The following CORIN variants were observed in gnomAD, a reference collection of about 807,000 sequenced individuals.
CORIN encodes the protein corin, serine peptidase, also known as atrial natriuretic peptide-converting enzyme.
In CORIN, 117 loss-of-function variants were observed where a neutral mutation model predicts 125.3. That is an observed-to-expected ratio of 0.93 (90% CI 0.80 to 1.09). The LOEUF is 1.09. Ranked by LOEUF, CORIN falls within the 50% of genes least tolerant of loss-of-function variation. The probability of loss-of-function intolerance (pLI) is 0.00; values close to 1 mark genes in which losing one functional copy is unlikely to be tolerated. For missense variants in CORIN, 1,253 were observed against 1,306.7 expected (o/e 0.96, Z 0.63); for synonymous variants, 450 against 466.4 (o/e 0.96, Z 0.45).
intron 9 of CORIN, among the ~76,000 whole-genome samples, chr4:47,675,585 C>T (rs529887920): frequency 6.6e-6 from 1 of 152,140 alleles, no homozygotes; most frequent in African/African-American, 2.4e-5. Context: ...TGCCATGTGA[C>T]AATCTATGTG....
intron 14 of CORIN, among the ~76,000 whole-genome samples, chr4:47,644,445 T>C (rs2109619242): frequency 6.6e-6 from 1 of 152,332 alleles, no homozygotes; most frequent in South Asian, 2.1e-4. Context: ...TAATAAAAGA[T>C]AAATGTCTTC....
chr4:47,709,618 T>A (rs1354790483), intron 5 of CORIN, among the ~76,000 whole-genome samples: 1 of 152,160 alleles, frequency 6.6e-6, no homozygotes, highest in East Asian at 1.9e-4. Context: ...TACTAAAATA[T>A]AAATATGTTT....
At position 47,818,935 on chromosome 4, in the gene CORIN, A is replaced by G. The variant is rs564529114; in HGVS notation, c.64-11888T>C. Among the ~76,000 whole-genome samples the G allele has an allele frequency of 1.7e-4, 26 of 152,078 alleles. 1 individual carries two copies. Among genetic ancestry groups the G allele is most frequent in the African/African-American group, 6.0e-4 (25 of 41,498 alleles). On this transcript the variant is annotated intron_variant, in intron 1 of 21. Coordinates refer to ENST00000273857, the MANE Select transcript of CORIN (RefSeq NM_006587.4). ...TGCCAAGCAGCTTTTGAAAATCTGG[A>G]TATATTGAACAGGGTAAGATCTGGA...
intron 5 of CORIN, among the ~76,000 whole-genome samples, chr4:47,713,842 T>G (rs1459441143): frequency 1.3e-5 from 2 of 151,910 alleles, no homozygotes; most frequent in Non-Finnish European, 2.9e-5. Flanking sequence ...CAGGGAATCT[T>G]TTTTTTTAAT....
At chr4:47,715,246 C>T (rs966852465) in intron 5 of CORIN, among the ~76,000 whole-genome samples, 3 of 152,166 alleles carry the variant, frequency 2.0e-5, no homozygotes, top group Non-Finnish European at 2.9e-5. Flanking sequence ...TCTTATCTAT[C>T]CAAGTAGTAC....
Position 47,595,656 on chromosome 4 carries a change from C to A in CORIN, c.*65G>T. On this transcript the variant is annotated 3_prime_UTR_variant, in exon 22 of 22. Transcript: ENST00000273857. Reference sequence around the variant, plus strand: ...TCTGTACAGCTCTCTGCAGGCAGCTCTTCACAGTCAAGAAGGCCATTTTCT... The same window carrying A: ...TCTGTACAGCTCTCTGCAGGCAGCTATTCACAGTCAAGAAGGCCATTTTCT... The A allele has an allele frequency of 7.5e-7, 1 of 1,341,910 alleles. No individual in the cohort carries two copies. The highest frequency in any genetic ancestry group is 1.5e-5 in the South Asian group (1 of 68,412). 83.1% of individuals were successfully genotyped at this position (1,341,910 alleles called of 1,614,324 possible).
At chr4:47,760,738 T>C (rs1370178570) in intron 4 of CORIN, among the ~76,000 whole-genome samples, 2 of 152,252 alleles carry the variant, frequency 1.3e-5, no homozygotes, top group Non-Finnish European at 2.9e-5. Context: ...AGCAAAGTCC[T>C]AGATGGCATC....
intron 20 of CORIN, among the ~76,000 whole-genome samples, chr4:47,600,888 T>C (rs1353148218): frequency 6.6e-6 from 1 of 152,180 alleles, no homozygotes; most frequent in Non-Finnish European, 1.5e-5. Context: ...CAGAGAGATA[T>C]CGAAAAGCAC....
At chr4:47,763,167 C>T (rs1313962214) in intron 4 of CORIN, among the ~76,000 whole-genome samples, 4 of 152,160 alleles carry the variant, frequency 2.6e-5, no homozygotes, top group South Asian at 2.1e-4. Context: ...CCTCTGATAG[C>T]ATCAATCTAA....
In CORIN at chr4:47,603,355, G is replaced by A. The variant is rs140758770; in HGVS notation, c.2812+42C>T. On this transcript the variant is annotated intron_variant, in intron 20 of 21. Transcript: ENST00000273857. ...TTATAAATTACCCACTCTCAGGTAT[G>A]TGCTTATAGCAGCATGAGAATGGAC... 1.0e-3 allele frequency: 1,639 copies of A among 1,582,462 alleles called. 18 individuals are homozygous for A. In the African/African-American group the frequency reaches 0.019, roughly 18 times the overall value.
intron 5 of CORIN, among the ~76,000 whole-genome samples, chr4:47,744,118 T>G (rs1728542731): frequency 6.6e-6 from 1 of 152,206 alleles, no homozygotes; most frequent in Non-Finnish European, 1.5e-5. Context: ...AGTTACATAT[T>G]GTATGATTCC....
intron 2 of CORIN, among the ~76,000 whole-genome samples, chr4:47,803,634 TA>T (rs932611684): frequency 2.0e-5 from 3 of 152,214 alleles, no homozygotes; most frequent in African/African-American, 7.2e-5. Context: ...AAATTGTGCT[TA>T]AAAAACTGGA....
At chr4:47,752,589 T>C (rs1728952046) in intron 4 of CORIN, among the ~76,000 whole-genome samples, 1 of 152,226 alleles carries the variant, frequency 6.6e-6, no homozygotes, top group African/African-American at 2.4e-5. Flanking sequence ...ACGTAAGAGT[T>C]AAATGTCAGT....
chr4:47,617,673 G>A (rs1722118442), intron 19 of CORIN, among the ~76,000 whole-genome samples: 2 of 152,182 alleles, frequency 1.3e-5, no homozygotes, highest in Non-Finnish European at 2.9e-5. Context: ...CATTACTATT[G>A]ATGGGAATGG....
chr4:47,837,100 A>G (rs1209682365), intron 1 of CORIN, among the ~76,000 whole-genome samples: 1 of 152,164 alleles, frequency 6.6e-6, no homozygotes, highest in Admixed American at 6.5e-5. Flanking sequence ...GCCCCTTCCC[A>G]GGACTGGATC....
At chr4:47,686,597 A>G (rs907849934) in intron 6 of CORIN, among the ~76,000 whole-genome samples, 1 of 152,192 alleles carries the variant, frequency 6.6e-6, no homozygotes, top group South Asian at 2.1e-4. Context: ...TTCGTGCATC[A>G]AGATATATAC....
At chr4:47,771,005 A>G (rs1355916618) in intron 3 of CORIN, among the ~76,000 whole-genome samples, 1 of 152,162 alleles carries the variant, frequency 6.6e-6, no homozygotes, top group East Asian at 1.9e-4. Context: ...ACACTTTGAA[A>G]ATTGCTAAGA....
chr4:47,787,480 TCATA>T (rs1043980998), intron 2 of CORIN, among the ~76,000 whole-genome samples: 3 of 150,662 alleles, frequency 2.0e-5, no homozygotes, highest in African/African-American at 7.3e-5. Context: ...ATAAGAGGGC[TCATA>T]CATTTATCAA....
At chr4:47,724,136 T>C (rs1345665959) in intron 5 of CORIN, among the ~76,000 whole-genome samples, 2 of 151,918 alleles carry the variant, frequency 1.3e-5, no homozygotes, top group Non-Finnish European at 2.9e-5. Flanking sequence ...GTAATAACCA[T>C]ACTCCATGAA....
Sources: allele counts gnomAD v4.1 joint callset (sites outside exome capture counted in the v4.1 genomes callset), GRCh38; gene constraint gnomAD v4.1.1; transcripts MANE v1.5; gene names NCBI Gene and HGNC (gene_info 2026-07-23, HGNC 2026-07-21).